The following RGS8 variants were observed in gnomAD, a reference collection of about 807,000 sequenced individuals.
RGS8 encodes the protein regulator of G-protein signaling 8.
RGS8 carries 8 observed loss-of-function variants against 21.7 expected under a neutral mutation model. The ratio of observed to expected loss-of-function variants is 0.37; its 90% confidence interval spans 0.22 to 0.66. RGS8 has a LOEUF of 0.66. Among genes scored for constraint, RGS8 ranks in the 30% least tolerant of loss-of-function variants. The pLI is 0.59. For missense variants in RGS8, 157 were observed against 217.9 expected, an observed-to-expected ratio of 0.72 and a Z score of 1.76; for synonymous variants, 80 against 83.6, an observed-to-expected ratio of 0.96 and a Z score of 0.24.
the RGS8 span, among the ~76,000 whole-genome samples, chr1:182,722,780 C>A: frequency 6.6e-6 from 1 of 151,836 alleles, no homozygotes; most frequent in East Asian, 1.9e-4. Flanking sequence ...ATTGAGACCA[C>A]CCTGGCTAAC....
chr1:182,681,183 A>G lies in RGS8; in HGVS notation n.221+3173T>C, dbSNP rs954749475. 3.9e-5 allele frequency among the ~76,000 whole-genome samples: 6 copies of G among 152,154 alleles called. No homozygotes were observed. The East Asian group carries it at 9.6e-4, about 24-fold the overall frequency. ...GAGGTGTGGAGGCTGCATGGATGGG[A>G]CAGGAGGGCCAAAGGTGGAGAAGCA... On this transcript the variant is annotated intron_variant and non_coding_transcript_variant, in intron 1 of 4. Transcript: ENST00000515211.
intron 1 of RGS8, among the ~76,000 whole-genome samples, chr1:182,681,690 G>A (rs996809198): frequency 6.6e-6 from 1 of 152,224 alleles, no homozygotes; most frequent in Admixed American, 6.5e-5. Flanking sequence ...GAGACGCCTT[G>A]CTTGCGGGCA....
At chr1:182,744,814 T>C in the RGS8 span, among the ~76,000 whole-genome samples, 2 of 152,230 alleles carry the variant, frequency 1.3e-5, no homozygotes, top group Admixed American at 1.3e-4. Flanking sequence ...TGTCTGTATT[T>C]ACAGTGTTGT....
chr1:182,677,196 T>C (rs1477421872), upstream of RGS8, among the ~76,000 whole-genome samples: 3 of 152,232 alleles, frequency 2.0e-5, no homozygotes, highest in Admixed American at 1.3e-4. Flanking sequence ...TCCAGAACTG[T>C]GGGCAAGCTA....
chr1:182,706,537 G>C, the RGS8 span, among the ~76,000 whole-genome samples: 1 of 151,856 alleles, frequency 6.6e-6, no homozygotes, highest in Non-Finnish European at 1.5e-5. Context: ...TACGATCTCA[G>C]CTCACTGCAA....
chr1:182,715,580 T>A, the RGS8 span, among the ~76,000 whole-genome samples: 2 of 152,208 alleles, frequency 1.3e-5, no homozygotes, highest in African/African-American at 2.4e-5. Context: ...TGGGGCTCTA[T>A]CCCCAGAGTC....
At chr1:182,696,407 G>C in the RGS8 span, among the ~76,000 whole-genome samples, 3 of 152,134 alleles carry the variant, frequency 2.0e-5, no homozygotes, top group Admixed American at 2.0e-4. Flanking sequence ...ACCCAGGCTG[G>C]AATGTAGTGT....
At chr1:182,714,477 T>G in the RGS8 span, 1 of 152,206 alleles carries the variant, frequency 6.6e-6, no homozygotes, top group African/African-American at 2.4e-5. Flanking sequence ...CTTACCACTC[T>G]CTACCATGTC....
At chr1:182,678,262 C>A (rs1201392170) in intron 1 of RGS8, among the ~76,000 whole-genome samples, 1 of 152,142 alleles carries the variant, frequency 6.6e-6, no homozygotes, top group Non-Finnish European at 1.5e-5. Flanking sequence ...GTTCTCTTGA[C>A]TTGTGTATAT....
upstream of RGS8, chr1:182,672,357 A>G (rs1280495732): frequency 4.7e-6 from 1 of 214,702 alleles, no homozygotes; most frequent in Non-Finnish European, 9.3e-6. Context: ...GATGTGATAA[A>G]TGCAGAGAGC....
intron 3 of RGS8, 35 bp downstream of exon 4, chr1:182,669,589 G>T (rs1332703490): frequency 6.2e-7 from 1 of 1,614,070 alleles, no homozygotes; most frequent in Non-Finnish European, 8.5e-7. Flanking sequence ...AGAGGAAAGG[G>T]TCAGGGGCAA....
In RGS8 at chr1:182,669,758, AT is replaced by A; in HGVS notation, c.-103-7del. 5.1e-6 allele frequency: 8 copies of A among 1,581,134 alleles called. No individual in the cohort carries two copies. On this transcript the variant is annotated splice_region_variant and splice_polypyrimidine_tract_variant and intron_variant, in intron 2 of 6. Transcript: ENST00000483095. Reference sequence around the variant, plus strand: ...ACCCTTGCACGTCCTCTCACCTAAAATCAAAGAATCTGCTGTAAGAGGGGCC... The same window carrying A: ...ACCCTTGCACGTCCTCTCACCTAAAACAAAGAATCTGCTGTAAGAGGGGCC...
At chr1:182,661,383 A>T (rs1263199012) in intron 5 of RGS8, among the ~76,000 whole-genome samples, 1 of 152,066 alleles carries the variant, frequency 6.6e-6, no homozygotes, top group Non-Finnish European at 1.5e-5. Flanking sequence ...TGAGGTGCTC[A>T]TTCACCCAGC....
the RGS8 span, among the ~76,000 whole-genome samples, chr1:182,745,587 C>A: frequency 6.6e-6 from 1 of 152,198 alleles, no homozygotes; most frequent in Non-Finnish European, 1.5e-5. Flanking sequence ...GACTGGCTCT[C>A]CCTTTCAATT....
chr1:182,744,579 C>T, the RGS8 span, among the ~76,000 whole-genome samples: 2 of 152,178 alleles, frequency 1.3e-5, no homozygotes. Context: ...GTTGTAGTAA[C>T]GTATTACCTT....
At chr1:182,685,647 C>T (rs1019855898), upstream of RGS8, among the ~76,000 whole-genome samples, 8 of 152,136 alleles carry the variant, frequency 5.3e-5, no homozygotes, top group Non-Finnish European at 8.8e-5. Context: ...GGGCAGAACA[C>T]GACTCTTGCA....
the RGS8 span, among the ~76,000 whole-genome samples, chr1:182,727,639 T>G: frequency 3.9e-5 from 6 of 152,164 alleles, no homozygotes; most frequent in African/African-American, 1.4e-4. Flanking sequence ...ACCAAATAAT[T>G]CTATAAAGAT....
At chr1:182,647,055 GGAGGT>G in intron 6 of RGS8, 138 bp from the exon 8 acceptor site, 1 of 729,056 alleles carries the variant, frequency 1.4e-6, no homozygotes, top group Non-Finnish European at 2.3e-6. Context: ...TTGCTTCCAT[GGAGGT>G]CATCCCTTTT....
chr1:182,721,355 A>T, the RGS8 span, among the ~76,000 whole-genome samples: 190 of 152,242 alleles, frequency 1.2e-3, no homozygotes, highest in African/African-American at 3.7e-3. Context: ...GGAAAACTAA[A>T]CTTGGTCAGT....
Sources: gnomAD v4.1 joint callset for allele counts (sites outside exome capture counted in the v4.1 genomes callset) on GRCh38, gnomAD v4.1.1 for gene constraint, MANE v1.5 for transcripts, NCBI Gene and HGNC (gene_info 2026-07-23, HGNC 2026-07-21) for gene names.